FGFR3: variants seen among roughly 807,000 people sequenced by gnomAD.
FGFR3 encodes fibroblast growth factor receptor 3.
A neutral mutation model predicts 82.9 loss-of-function variants in FGFR3; 25 were observed. The observed-to-expected ratio is 0.30, with a 90% CI of 0.22 to 0.42. FGFR3 has a LOEUF of 0.42. FGFR3 is among the 10% of genes least tolerant of loss of function. FGFR3 has a pLI of 1.00. For missense variants in FGFR3, 1,026 were observed against 1,161.0 expected, an observed-to-expected ratio of 0.88 and a Z score of 1.69; for synonymous variants, 620 against 516.0, an observed-to-expected ratio of 1.20 and a Z score of -2.73.
intron 4 of FGFR3, 100 bp from the exon 5 acceptor site, chr4:1,801,265 CTG>C: frequency 7.6e-7 from 1 of 1,323,236 alleles, no homozygotes; most frequent in Non-Finnish European, 1.0e-6. Context: ...GGACGGGAAA[CTG>C]AGGCTGGGGA....
At chr4:1,798,198 A>G (rs1720744877) in intron 2 of FGFR3, among the ~76,000 whole-genome samples, 1 of 151,954 alleles carries the variant, frequency 6.6e-6, no homozygotes, top group African/African-American at 2.4e-5. Context: ...GGCCACCTGC[A>G]CATCTGCCCC....
Position 1,799,358 on chromosome 4 carries a change from A to G in FGFR3, c.214A>G (p.Thr72Ala), listed in dbSNP as rs1267604868. The G allele has an allele frequency of 1.2e-6, 2 of 1,612,500 alleles. No individual in the cohort carries two copies. The highest frequency in any genetic ancestry group is 1.7e-5 in the Admixed American group (1 of 60,006). The change falls in exon 3 of 18, where the codon ACT becomes GCT. Residue 72 changes from threonine to alanine, a missense_variant. By Grantham distance (58) the Thr-to-Ala change is moderately conservative. Transcript: ENST00000440486. ...PPPGGGPMGP[T>A]VWVKDGTGLV... The stretch of plus-strand genomic sequence containing the variant: ...GCCCGGGGGTGGTCCCATGGGGCCC[A>G]CTGTCTGGGTCAAGGATGGCACAGG...
At position 1,804,840 on chromosome 4, in the gene FGFR3, A is replaced by C; in HGVS notation, c.1283A>C (p.Asn428Thr). 2 of 1,549,838 alleles carry C rather than the reference A, an allele frequency of 1.3e-6. No homozygotes were observed. The highest frequency in any genetic ancestry group is 2.7e-5 in the African/African-American group (2 of 73,126). The change falls in exon 10 of 18, where the codon AAC (asparagine) becomes ACC (threonine). Residue 428 changes from asparagine to threonine, a missense_variant. By Grantham distance (65) the Asn-to-Thr change is moderately conservative. This residue lies in a region of FGFR3 where 256 missense variants were observed against 217.6 expected (regional missense o/e 1.18). Coordinates refer to ENST00000440486, the MANE Select transcript of FGFR3 (RefSeq NM_000142.5). ...PLKRQVSLES[N>T]ASMSSNTPLV... ...CCCAAGCAGGTGTCCCTGGAGTCCA[A>C]CGCGTCCATGAGCTCCAACACACCA...
rs148157107 is a variant in FGFR3 at position 1,804,427 on chromosome 4, G to A, written c.1173G>A (p.Ala391=). 3.7e-6 allele frequency: 6 copies of A among 1,612,762 alleles called. No homozygotes were observed. In the African/African-American group the frequency reaches 4.0e-5, roughly 11 times the overall value. The stretch of plus-strand genomic sequence containing the variant: ...TCTTCCTGTTCATCCTGGTGGTGGC[G>A]GCTGTGACGCTCTGCCGCCTGCGCA... ...VGFFLFILVV[A]AVTLCRLRSP... Residue 391 remains alanine (A), a synonymous_variant, in exon 9 of 18, where the codon GCG becomes GCA. Coordinates refer to ENST00000440486, the MANE Select transcript of FGFR3 (RefSeq NM_000142.5).
chr4:1,807,664 G>A lies in FGFR3; in HGVS notation c.*402G>A, dbSNP rs1221673187. On this transcript the variant is annotated 3_prime_UTR_variant, in exon 18 of 18. Transcript: ENST00000440486. ...CACGGGACATCACAGGGTGGGCCTC[G>A]GCCCCTCCCACACCCAAAGCTGAGC... The A allele has an allele frequency of 4.8e-6, 3 of 625,824 alleles. No homozygotes were observed. Among genetic ancestry groups the A allele is most frequent in the Admixed American group, 3.7e-5 (2 of 54,672 alleles). The allele number at this position is 625,824 out of a possible 1,614,324, so 38.8% of individuals were successfully genotyped here. A position where few individuals can be genotyped will look rare whatever the true frequency, so the allele number is the denominator to read the frequency against.
rs1722228897 is a variant in FGFR3 at position 1,808,344 on chromosome 4, C to T, written c.*1082C>T. On this transcript the variant is annotated 3_prime_UTR_variant, in exon 18 of 18. Transcript: ENST00000440486. ...TGATTCCAGTGAAGATATTTTATTT[C>T]CTTTGTCCTTTTTCAGGAGAATTAG... The T allele has an allele frequency of 8.6e-6, 2 of 232,352 alleles. No homozygotes were observed. The highest frequency in any genetic ancestry group is 6.1e-5 in the East Asian group (1 of 16,468). 14.4% of individuals were successfully genotyped at this position (232,352 alleles called of 1,614,324 possible). A position where few individuals can be genotyped will look rare whatever the true frequency, so the allele number is the denominator to read the frequency against.
At position 1,807,218 on chromosome 4, in the gene FGFR3, C is replaced by T. The variant is rs2108818231; in HGVS notation, c.2377C>T (p.Leu793=). The change falls in exon 18 of 18, where the codon CTG becomes TTG. Residue 793 remains leucine (L), a synonymous_variant. Coordinates refer to ENST00000440486, the MANE Select transcript of FGFR3 (RefSeq NM_000142.5). ...GGACGACTCCGTGTTTGCCCACGAC[C>T]TGCTGCCCCCGGCCCCACCCAGCAG... The part of the protein sequence containing the change: ...SGDDSVFAHD[L]LPPAPPSSGG... The T allele has an allele frequency of 6.2e-7, 1 of 1,608,366 alleles. No individual in the cohort carries two copies. Among genetic ancestry groups the T allele is most frequent in the Non-Finnish European group, 8.5e-7 (1 of 1,178,340 alleles).
At position 1,806,588 on chromosome 4, in the gene FGFR3, G is replaced by A. The variant is rs1456345468; in HGVS notation, c.2073G>A (p.Gly691=). ...TGCTCTGGGAGATCTTCACGCTGGG[G>A]GGCTCCCCGTACCCCGGCATCCCTG... is the stretch of plus-strand genomic sequence containing the variant. ...GVLLWEIFTL[G]GSPYPGIPVE... is the part of the protein sequence containing the mutation. Residue 691 remains glycine (G), a synonymous_variant, in exon 16 of 18, where the codon GGG becomes GGA. Transcript: ENST00000440486. 5 of 1,613,128 alleles carry A rather than the reference G, an allele frequency of 3.1e-6. No individual in the cohort carries two copies. Among genetic ancestry groups the A allele is most frequent in the Non-Finnish European group, 3.4e-6 (4 of 1,179,958 alleles).
Position 1,794,883 on chromosome 4 carries a change from C to G in FGFR3, c.109+840C>G, listed in dbSNP as rs530554440. Among the ~76,000 whole-genome samples, 72 of 151,694 alleles carry G rather than the reference C, an allele frequency of 4.7e-4. No individual in the cohort carries two copies. The East Asian group carries it at 0.011, about 23-fold the overall frequency. On this transcript the variant is annotated intron_variant, in intron 2 of 17. Transcript: ENST00000440486. ...GGCCGCGCGGAGGGAGGCCTTGGCC[C>G]GGTGAGCTCGCGCCCCACCCGGGCC...
chr4:1,801,428 C>G lies in FGFR3; in HGVS notation c.507C>G (p.Ala169=), dbSNP rs1248882528. The G allele has an allele frequency of 6.4e-7, 1 of 1,552,800 alleles. No homozygotes were observed. The highest frequency in any genetic ancestry group is 1.9e-5 in the Admixed American group (1 of 51,476). Residue 169 remains alanine (A), a synonymous_variant, in exon 5 of 18, where the codon GCC becomes GCG. Transcript: ENST00000440486. The part of the protein sequence containing the change: ...MDKKLLAVPA[A]NTVRFRCPAA... The stretch of plus-strand genomic sequence containing the variant: ...AGAAGCTGCTGGCCGTGCCGGCCGC[C>G]AACACCGTCCGCTTCCGCTGCCCAG...
At chr4:1,805,536 C>G (rs368413679) in intron 11 of FGFR3, 23 bp from the exon 12 acceptor site, 9 of 1,612,628 alleles carry the variant, frequency 5.6e-6, no homozygotes, top group Non-Finnish European at 7.6e-6. Flanking sequence ...CCGCCTGACA[C>G]AGGCCCCCCG....
intron 2 of FGFR3, among the ~76,000 whole-genome samples, chr4:1,798,464 C>T (rs1039064044): frequency 2.0e-5 from 3 of 151,986 alleles, no homozygotes; most frequent in South Asian, 2.1e-4. Context: ...GTATGTTTTC[C>T]GTCATGACCG....
At position 1,801,555 on chromosome 4, in the gene FGFR3, C is replaced by A; in HGVS notation, c.615+19C>A. On this transcript the variant is annotated intron_variant, in intron 5 of 17. Coordinates refer to ENST00000440486, the MANE Select transcript of FGFR3 (RefSeq NM_000142.5). The stretch of plus-strand genomic sequence containing the variant: ...CATCAAGGTGGGCGCGGCGGGGTGG[C>A]TCTGGGCCTGGCAGGCGCGGTGGTT... 1 of 1,577,440 alleles carries A rather than the reference C, an allele frequency of 6.3e-7. No homozygotes were observed.
chr4:1,799,168 A>G, intron 2 of FGFR3, 86 bp from the exon 3 acceptor site: 1 of 1,590,102 alleles, frequency 6.3e-7, no homozygotes. Context: ...TTCCTCACTC[A>G]GGGCCGCCGA....
At chr4:1,794,111 C>A (rs1262368827) in intron 2 of FGFR3, 68 bp downstream of exon 2, 2 of 989,718 alleles carry the variant, frequency 2.0e-6, no homozygotes, top group South Asian at 3.3e-5. Flanking sequence ...GGACGGGAAC[C>A]GGCCCCGGGT....
Position 1,807,459 on chromosome 4 carries a change from C to A in FGFR3, c.*197C>A, listed in dbSNP as rs751754704. The A allele has an allele frequency of 1.2e-6, 1 of 844,216 alleles. No homozygotes were observed. Among genetic ancestry groups the A allele is most frequent in the Non-Finnish European group, 1.9e-6 (1 of 515,486 alleles). 52.3% of individuals were successfully genotyped at this position (844,216 alleles called of 1,614,324 possible). The stretch of plus-strand genomic sequence containing the variant: ...CCTGTGTGCGTGCGCATCTTGCCTC[C>A]AGGTGCAGAGGTACCCTGGGTGTCC... On this transcript the variant is annotated 3_prime_UTR_variant, in exon 18 of 18. Transcript: ENST00000440486.
rs1722109974 is a variant in FGFR3, at chr4:1,807,479, G to C, written c.*217G>C. On this transcript the variant is annotated 3_prime_UTR_variant, in exon 18 of 18. Transcript: ENST00000440486. ...GCCTCCAGGTGCAGAGGTACCCTGG[G>C]TGTCCCCGCTGCTGTGCAACGGTCT... The C allele has an allele frequency of 1.3e-6, 1 of 752,820 alleles. No individual in the cohort carries two copies. 46.6% of individuals were successfully genotyped at this position (752,820 alleles called of 1,614,324 possible).
intron 12 of FGFR3, 40 bp downstream of exon 12, chr4:1,805,709 T>G (rs369725165): frequency 1.2e-5 from 19 of 1,611,040 alleles, no homozygotes; most frequent in Non-Finnish European, 1.6e-5. Context: ...TGGGCGGCCC[T>G]CCTGGGCCTG....
chr4:1,806,091 C>G lies in FGFR3; in HGVS notation c.1877C>G (p.Thr626Ser), dbSNP rs2108806728. ...RDLAARNVLV[T>S]EDNVMKIADF... The stretch of plus-strand genomic sequence containing the variant: ...CTGGCTGCCCGCAATGTGCTGGTGA[C>G]CGAGGACAACGTGATGAAGATCGCA... The change falls in exon 14 of 18, where the codon ACC becomes AGC. Residue 626 changes from threonine to serine, a missense_variant. Around this residue, in one of 9 missense-constraint regions of FGFR3, gnomAD observed 11 missense variants for 23.8 expected, o/e 0.46. Coordinates refer to ENST00000440486, the MANE Select transcript of FGFR3 (RefSeq NM_000142.5). 6.2e-7 allele frequency: 1 copy of G among 1,613,678 alleles called. No individual in the cohort carries two copies. Among genetic ancestry groups the G allele is most frequent in the Non-Finnish European group, 8.5e-7 (1 of 1,179,984 alleles).
Sources: allele counts gnomAD v4.1 joint callset (sites outside exome capture counted in the v4.1 genomes callset), GRCh38; gene constraint gnomAD v4.1.1; regional missense constraint gnomAD v4.1.1; transcripts MANE v1.5; gene names NCBI Gene and HGNC (gene_info 2026-07-23, HGNC 2026-07-21).